GALNT18: variants seen among roughly 807,000 people sequenced by gnomAD.
GALNT18 encodes polypeptide N-acetylgalactosaminyltransferase 18.
Under a neutral mutation model 69.5 loss-of-function variants are expected in GALNT18, and 44 were observed. The observed-to-expected ratio is 0.63, with a 90% confidence interval of 0.50 to 0.81. The LOEUF (loss-of-function observed/expected upper bound fraction) is 0.81. GALNT18 is among the 40% of genes least tolerant of loss of function. The pLI is 0.00. For synonymous variants in GALNT18, 364 were observed against 318.2 expected, an observed-to-expected ratio of 1.14 and a Z score of -1.53; for missense variants, 715 against 810.0, an observed-to-expected ratio of 0.88 and a Z score of 1.42.
chr11:11,486,368 T>C (rs2403515), intron 1 of GALNT18, among the ~76,000 whole-genome samples: 25,179 of 152,164 alleles, frequency 0.17, 2,292 homozygotes, highest in East Asian at 0.3. Context: ...TTCTGTGAAA[T>C]GAAGGGTGTG....
In GALNT18 at chr11:11,595,785, C is replaced by A. The variant is rs1296769404; in HGVS notation, c.235+25574G>T. 6.6e-6 allele frequency among the ~76,000 whole-genome samples: 1 copy of A among 152,182 alleles called. No homozygotes were observed. On this transcript the variant is annotated intron_variant, in intron 1 of 10. Transcript: ENST00000227756. This position sits in a 1 kb window ranked among gnomAD's most constrained non-coding sequence, Gnocchi z 5.2. The stretch of plus-strand genomic sequence containing the variant: ...AGTTTTTGTAAATTCTGGATATTAA[C>A]CCCTTACCAGATAAATGACTCCCAA...
chr11:11,364,248 A>G (rs1361379477), intron 6 of GALNT18, among the ~76,000 whole-genome samples: 1 of 152,244 alleles, frequency 6.6e-6, no homozygotes, highest in East Asian at 1.9e-4. Flanking sequence ...TTAAAATATT[A>G]CTATTTGGTA....
chr11:11,610,388 C>T (rs1463374555), intron 1 of GALNT18, among the ~76,000 whole-genome samples: 1 of 152,194 alleles, frequency 6.6e-6, no homozygotes, highest in African/African-American at 2.4e-5. Context: ...GGGATAATAA[C>T]ACCATCCCAC....
At position 11,564,275 on chromosome 11, in the gene GALNT18, T is replaced by C. The variant is rs560527116; in HGVS notation, c.235+57084A>G. 6.6e-6 allele frequency among the ~76,000 whole-genome samples: 1 copy of C among 152,294 alleles called. No individual in the cohort carries two copies. The highest frequency in any genetic ancestry group is 2.1e-4 in the South Asian group (1 of 4,826). On this transcript the variant is annotated intron_variant, in intron 1 of 10. Transcript: ENST00000227756. The surrounding 1 kb of genome is among the most constrained non-coding windows in gnomAD (Gnocchi z 4.3). ...AGGCTCATCTTAAGAGATATGCACCTGACTCTCTGTCAAGCCTCCCCTTCA... is the reference window on the plus strand; with the variant it reads ...AGGCTCATCTTAAGAGATATGCACCCGACTCTCTGTCAAGCCTCCCCTTCA...
chr11:11,595,003 ATATATC>A lies in GALNT18; in HGVS notation c.235+26350_235+26355del, dbSNP rs1432349628. 6.8e-6 allele frequency among the ~76,000 whole-genome samples: 1 copy of A among 147,020 alleles called. No homozygotes were observed. The highest frequency in any genetic ancestry group is 1.5e-5 in the Non-Finnish European group (1 of 65,662). On this transcript the variant is annotated intron_variant, in intron 1 of 10. Transcript: ENST00000227756. This position sits in a 1 kb window ranked among gnomAD's most constrained non-coding sequence, Gnocchi z 5.2. ...CATATGTGTGTGTGTGTGTGTGTAT[ATATATC>A]TATATAAAATCTCCAAGAATGAATA... is the stretch of plus-strand genomic sequence containing the variant.
intron 9 of GALNT18, among the ~76,000 whole-genome samples, chr11:11,298,445 C>T (rs1849437778): frequency 6.6e-6 from 1 of 152,268 alleles, no homozygotes; most frequent in Admixed American, 6.5e-5. Context: ...CTGAGCAAGG[C>T]TGAGTTCTGG....
At chr11:11,526,124 G>A (rs921546997) in intron 1 of GALNT18, among the ~76,000 whole-genome samples, 1 of 152,192 alleles carries the variant, frequency 6.6e-6, no homozygotes, top group African/African-American at 2.4e-5. Flanking sequence ...AGAAAAGAGA[G>A]CAATGGCATT....
At chr11:11,323,519 C>T (rs1020436955) in intron 9 of GALNT18, among the ~76,000 whole-genome samples, 1 of 152,252 alleles carries the variant, frequency 6.6e-6, no homozygotes, top group Non-Finnish European at 1.5e-5. Flanking sequence ...GGGGTGCCAG[C>T]ATCACTACCG....
In GALNT18 at chr11:11,461,975, C is replaced by T. The variant is rs1856054103; in HGVS notation, c.236-13039G>A. On this transcript the variant is annotated intron_variant, in intron 1 of 10. Transcript: ENST00000227756. The surrounding 1 kb of genome is among the most constrained non-coding windows in gnomAD (Gnocchi z 4.1). ...GTCTCAAACAGCCTCTCCCAGGAAGCCTGCCTGTTTCCAGTTTCTTTCTTC... is the reference window on the plus strand; with the variant it reads ...GTCTCAAACAGCCTCTCCCAGGAAGTCTGCCTGTTTCCAGTTTCTTTCTTC... 6.6e-6 allele frequency among the ~76,000 whole-genome samples: 1 copy of T among 152,252 alleles called. No individual in the cohort carries two copies. Among genetic ancestry groups the T allele is most frequent in the Non-Finnish European group, 1.5e-5 (1 of 68,048 alleles).
In GALNT18 at chr11:11,604,962, GGAATAGTCC is replaced by G. The variant is rs1859713940; in HGVS notation, c.235+16388_235+16396del. Among the ~76,000 whole-genome samples the G allele has an allele frequency of 1.3e-5, 2 of 152,090 alleles. No homozygotes were observed. Among genetic ancestry groups the G allele is most frequent in the Non-Finnish European group, 2.9e-5 (2 of 68,014 alleles). ...GTCTGCGGAGGTAAAAAAAAAGAATGGAATAGTCCTTTTTAAATGACATTTTCAATTTTT... is the reference window on the plus strand; with the variant it reads ...GTCTGCGGAGGTAAAAAAAAAGAATGTTTTTAAATGACATTTTCAATTTTT... On this transcript the variant is annotated intron_variant, in intron 1 of 10. Transcript: ENST00000227756. This position sits in a 1 kb window ranked among gnomAD's most constrained non-coding sequence, Gnocchi z 5.6.
In GALNT18 at chr11:11,526,037, G is replaced by C. The variant is rs560034197; in HGVS notation, c.236-77101C>G. Among the ~76,000 whole-genome samples, 10 of 152,294 alleles carry C rather than the reference G, an allele frequency of 6.6e-5. No individual in the cohort carries two copies. In the East Asian group the frequency reaches 1.7e-3, roughly 26 times the overall value. On this transcript the variant is annotated intron_variant, in intron 1 of 10. Coordinates refer to ENST00000227756, the MANE Select transcript of GALNT18 (RefSeq NM_198516.3). Reference sequence around the variant, plus strand: ...TTCCATCTGCCTGGAGTGGGGGAAAGGTATGAGAAAGGCTCCAGAGGCAGT... The same window carrying C: ...TTCCATCTGCCTGGAGTGGGGGAAACGTATGAGAAAGGCTCCAGAGGCAGT...
rs1860152849 is a variant in GALNT18 at position 11,620,145 on chromosome 11, G to A, written c.235+1214C>T. ...AGGGAGTGCTCCTGGCGGGGGGGTG[G>A]GGGGTAAGCCTTCAGTTCAATTCGA... On this transcript the variant is annotated intron_variant, in intron 1 of 10. Coordinates refer to ENST00000227756, the MANE Select transcript of GALNT18 (RefSeq NM_198516.3). The surrounding 1 kb of genome is among the most constrained non-coding windows in gnomAD (Gnocchi z 6.9). 6.6e-6 allele frequency among the ~76,000 whole-genome samples: 1 copy of A among 151,600 alleles called. No homozygotes were observed. Among genetic ancestry groups the A allele is most frequent in the African/African-American group, 2.4e-5 (1 of 41,252 alleles).
Position 11,439,664 on chromosome 11 carries a change from A to G in GALNT18, c.429-6877T>C, listed in dbSNP as rs1053688278. Among the ~76,000 whole-genome samples, 1 of 152,236 alleles carries G rather than the reference A, an allele frequency of 6.6e-6. No individual in the cohort carries two copies. The highest frequency in any genetic ancestry group is 1.5e-5 in the Non-Finnish European group (1 of 68,040). On this transcript the variant is annotated intron_variant, in intron 2 of 10. Coordinates refer to ENST00000227756, the MANE Select transcript of GALNT18 (RefSeq NM_198516.3). The surrounding 1 kb of genome is among the most constrained non-coding windows in gnomAD (Gnocchi z 4.4). ...TCAGGTATCCCTAATACTGGGTATG[A>G]AGTTCAGCACAGAGTAGAAATTCAG...
chr11:11,272,739 G>T (rs1479252537), intron 10 of GALNT18, among the ~76,000 whole-genome samples: 1 of 150,398 alleles, frequency 6.6e-6, no homozygotes, highest in African/African-American at 2.5e-5. Flanking sequence ...GCCCACCCAT[G>T]CCCCACCTCC....
At chr11:11,549,250 T>C (rs1289077775) in intron 1 of GALNT18, among the ~76,000 whole-genome samples, 1 of 152,210 alleles carries the variant, frequency 6.6e-6, no homozygotes, top group Non-Finnish European at 1.5e-5. Flanking sequence ...AGGCCTGTGA[T>C]CCTGGAAGAG....
chr11:11,277,460 T>C (rs1358640782), intron 10 of GALNT18, among the ~76,000 whole-genome samples: 2 of 152,228 alleles, frequency 1.3e-5, no homozygotes, highest in African/African-American at 2.4e-5. Flanking sequence ...AGCCCCTGGA[T>C]TCATTGATTG....
At chr11:11,565,650 A>G (rs1251110382) in intron 1 of GALNT18, among the ~76,000 whole-genome samples, 1 of 152,230 alleles carries the variant, frequency 6.6e-6, no homozygotes, top group African/African-American at 2.4e-5. Context: ...AGGACCTTAT[A>G]TTAGGCACCA....
At chr11:11,462,634 A>G (rs1396285102) in intron 1 of GALNT18, among the ~76,000 whole-genome samples, 1 of 152,000 alleles carries the variant, frequency 6.6e-6, no homozygotes, top group African/African-American at 2.4e-5. Flanking sequence ...CAGTAAACAC[A>G]AGGTGATCTC....
rs1202333419 is a variant in GALNT18 at position 11,470,542 on chromosome 11, G to A, written c.236-21606C>T. 6.6e-6 allele frequency among the ~76,000 whole-genome samples: 1 copy of A among 152,184 alleles called. No homozygotes were observed. The highest frequency in any genetic ancestry group is 2.4e-5 in the African/African-American group (1 of 41,444). ...ATTATTCCTATGCTAGAGGCTTGGG[G>A]ATAGTGATAGGATGACTAATCGCTA... On this transcript the variant is annotated intron_variant, in intron 1 of 10. Coordinates refer to ENST00000227756, the MANE Select transcript of GALNT18 (RefSeq NM_198516.3). The surrounding 1 kb of genome is among the most constrained non-coding windows in gnomAD (Gnocchi z 4.8).
Sources: allele counts gnomAD v4.1 joint callset (sites outside exome capture counted in the v4.1 genomes callset), GRCh38; gene constraint gnomAD v4.1.1; non-coding constraint Gnocchi (gnomAD v3.1); transcripts MANE v1.5; gene names NCBI Gene and HGNC (gene_info 2026-07-23, HGNC 2026-07-21).